The following NSUN4 variants were observed in gnomAD, a reference collection of about 807,000 sequenced individuals.
NSUN4 encodes the protein NOP2/Sun RNA methyltransferase 4, also known as 5-cytosine rRNA methyltransferase NSUN4.
NSUN4 carries 31 observed loss-of-function variants against 43.8 expected under a neutral mutation model. The ratio of observed to expected loss-of-function variants is 0.71; its 90% CI spans 0.53 to 0.96. The LOEUF (loss-of-function observed/expected upper bound fraction) is 0.96. Among genes scored for constraint, NSUN4 ranks in the 40% least tolerant of loss-of-function variants. The pLI is 0.00. For synonymous variants in NSUN4, 167 were observed against 184.1 expected (o/e 0.91, Z 0.75); for missense variants, 439 against 475.6 (o/e 0.92, Z 0.72).
At chr1:46,346,248 GC>G (rs1184921286) in intron 2 of NSUN4, among the ~76,000 whole-genome samples, 1 of 151,310 alleles carries the variant, frequency 6.6e-6, no homozygotes, top group Non-Finnish European at 1.5e-5. Context: ...GAGGAAGACA[GC>G]TATTTAAAAA....
the NSUN4 span, among the ~76,000 whole-genome samples, chr1:46,382,748 C>T: frequency 3.3e-5 from 5 of 152,060 alleles, no homozygotes; most frequent in Admixed American, 3.3e-4. Context: ...ATTACAGGCA[C>T]AAGCCAAAAT....
chr1:46,341,452 A>G (rs1662098386), intron 1 of NSUN4: 6 of 1,012,076 alleles, frequency 5.9e-6, no homozygotes, highest in Non-Finnish European at 7.1e-6. Flanking sequence ...GGGCAAGGTT[A>G]CAGCGACCAC....
At chr1:46,368,411 G>T (rs1286728469), downstream of NSUN4, among the ~76,000 whole-genome samples, 1 of 152,166 alleles carries the variant, frequency 6.6e-6, no homozygotes, top group African/African-American at 2.4e-5. Context: ...GGGATGCTGT[G>T]CAACTTCTGC....
the NSUN4 span, among the ~76,000 whole-genome samples, chr1:46,375,612 C>T: frequency 6.6e-6 from 1 of 151,372 alleles, no homozygotes; most frequent in Non-Finnish European, 1.5e-5. Context: ...TGGTATGCAC[C>T]TGTAGTCCCA....
chr1:46,383,821 T>C, the NSUN4 span, among the ~76,000 whole-genome samples: 1 of 152,148 alleles, frequency 6.6e-6, no homozygotes, highest in South Asian at 2.1e-4. Context: ...AAATTTTCTT[T>C]TTTTTTCTTC....
chr1:46,341,755 C>T (rs1662124089), intron 1 of NSUN4: 2 of 1,231,944 alleles, frequency 1.6e-6, no homozygotes, highest in African/African-American at 1.5e-5. Flanking sequence ...TCCCCACTCT[C>T]CAGCCCTTAT....
the NSUN4 span, among the ~76,000 whole-genome samples, chr1:46,372,690 A>G: frequency 0.011 from 1,715 of 152,236 alleles, 49 homozygotes; most frequent in East Asian, 0.095. Flanking sequence ...GACACAATCT[A>G]TCAAGTTCTT....
At chr1:46,351,453 C>G (rs966907) in intron 3 of NSUN4, among the ~76,000 whole-genome samples, 34,096 of 152,008 alleles carry the variant, frequency 0.22, 4,286 homozygotes, top group Non-Finnish European at 0.29. Context: ...ATGATTTTGG[C>G]TAAATAAACT....
the NSUN4 span, among the ~76,000 whole-genome samples, chr1:46,378,735 T>C: frequency 1.3e-5 from 2 of 152,222 alleles, no homozygotes; most frequent in Non-Finnish European, 2.9e-5. Context: ...CCGCTGACCT[T>C]AGTTGGCTTG....
chr1:46,355,192 A>G (rs1663278068), intron 4 of NSUN4, among the ~76,000 whole-genome samples: 1 of 152,234 alleles, frequency 6.6e-6, no homozygotes, highest in Admixed American at 6.5e-5. Context: ...AGCACTTAGT[A>G]TAGTACCTGG....
In NSUN4 at chr1:46,347,159, C is replaced by G; in HGVS notation, c.592+84C>G. The stretch of plus-strand genomic sequence containing the variant: ...GTACATTTAATATGGTAGGTTCGGC[C>G]AGGCGCAGTGGCTCCCGCCTGTAAT... On this transcript the variant is annotated intron_variant, in intron 3 of 5. Transcript: ENST00000474844. 4 of 1,408,322 alleles carry G rather than the reference C, an allele frequency of 2.8e-6. No individual in the cohort carries two copies. In the East Asian group the frequency reaches 7.2e-5, roughly 25 times the overall value. The allele number at this position is 1,408,322 out of a possible 1,614,324, so 87.2% of individuals were successfully genotyped here.
At chr1:46,371,452 C>T in the NSUN4 span, among the ~76,000 whole-genome samples, 1 of 152,098 alleles carries the variant, frequency 6.6e-6, no homozygotes, top group Admixed American at 6.5e-5. Context: ...ACTACAGGTG[C>T]CTGCCTCCAC....
At chr1:46,370,010 ATC>A (rs1188190159), downstream of NSUN4, among the ~76,000 whole-genome samples, 2 of 152,240 alleles carry the variant, frequency 1.3e-5, no homozygotes, top group East Asian at 1.9e-4. Context: ...ACTCAGCCTT[ATC>A]TCTCTGAGTA....
intron 3 of NSUN4, among the ~76,000 whole-genome samples, chr1:46,351,187 G>A (rs952430859): frequency 3.9e-5 from 6 of 152,100 alleles, no homozygotes; most frequent in Admixed American, 6.6e-5. Flanking sequence ...CCAACATGGA[G>A]AAACCCCGTC....
chr1:46,346,551 CAAAAAAA>C (rs10653801), intron 2 of NSUN4, among the ~76,000 whole-genome samples: 7 of 82,618 alleles, frequency 8.5e-5, no homozygotes, highest in Non-Finnish European at 1.5e-4. Context: ...GACTGTGTCT[CAAAAAAA>C]AAAAAAAAAA....
the NSUN4 span, among the ~76,000 whole-genome samples, chr1:46,378,873 C>T: frequency 6.6e-6 from 1 of 152,212 alleles, no homozygotes; most frequent in African/African-American, 2.4e-5. Flanking sequence ...AGTCCTCCAG[C>T]AGGCTAGCTT....
intron 3 of NSUN4, 27 bp from the exon 4 acceptor site, chr1:46,352,841 G>GTCT: frequency 6.2e-7 from 1 of 1,609,636 alleles, no homozygotes; most frequent in Non-Finnish European, 8.5e-7. Context: ...TTGGGTCATG[G>GTCT]CCTCTGAAGT....
chr1:46,366,134 A>G (rs913184316), downstream of NSUN4, among the ~76,000 whole-genome samples: 1 of 152,222 alleles, frequency 6.6e-6, no homozygotes, highest in Non-Finnish European at 1.5e-5. Context: ...TCTCAAAAAT[A>G]AATAATAAAT....
At position 46,364,962 on chromosome 1, in the gene NSUN4, C is replaced by T. The variant is rs575914567; in HGVS notation, c.*3116C>T. 4.5e-4 allele frequency: 69 copies of T among 152,348 alleles called. No homozygotes were observed. The highest frequency in any genetic ancestry group is 1.6e-3 in the African/African-American group (68 of 41,596). The allele number at this position is 152,348 out of a possible 1,614,324, so 9.4% of individuals were successfully genotyped here. A position where few individuals can be genotyped will look rare whatever the true frequency, so the allele number is the denominator to read the frequency against. ...TCTGAGATTCCTGATGTTTACCTACCTAGTCTTTCTCTTGCTGCCCTGTAT... is the reference window on the plus strand; with the variant it reads ...TCTGAGATTCCTGATGTTTACCTACTTAGTCTTTCTCTTGCTGCCCTGTAT... On this transcript the variant is annotated 3_prime_UTR_variant, in exon 6 of 6. Transcript: ENST00000474844.
Sources: allele counts gnomAD v4.1 joint callset (sites outside exome capture counted in the v4.1 genomes callset), GRCh38; gene constraint gnomAD v4.1.1; transcripts MANE v1.5; gene names NCBI Gene and HGNC (gene_info 2026-07-23, HGNC 2026-07-21).